SPAG16: variants seen among roughly 807,000 people sequenced by gnomAD.
SPAG16 encodes the protein sperm-associated antigen 16 protein.
Under a neutral mutation model 80.4 loss-of-function variants are expected in SPAG16, and 86 were observed. The ratio of observed to expected loss-of-function variants is 1.07; its 90% CI spans 0.90 to 1.28. The LOEUF (loss-of-function observed/expected upper bound fraction) is 1.28. Ranked by LOEUF, SPAG16 falls within the 50% of genes most tolerant of loss-of-function variation. SPAG16 has a pLI of 0.00. For missense variants in SPAG16, 870 were observed against 765.3 expected (o/e 1.14, Z -1.61); for synonymous variants, 294 against 265.9 (o/e 1.11, Z -1.03).
At chr2:214,405,325 C>T (rs959705587) in intron 15 of SPAG16, among the ~76,000 whole-genome samples, 2 of 152,130 alleles carry the variant, frequency 1.3e-5, no homozygotes, top group Non-Finnish European at 2.9e-5. Context: ...TGGAGTCTCA[C>T]TATGTTGTCC....
intron 15 of SPAG16, among the ~76,000 whole-genome samples, chr2:214,237,398 T>A (rs969871874): frequency 2.0e-5 from 3 of 152,102 alleles, no homozygotes; most frequent in African/African-American, 7.2e-5. Flanking sequence ...ATACATGTAA[T>A]CATTAATGAT....
intron 15 of SPAG16, among the ~76,000 whole-genome samples, chr2:214,322,274 T>C (rs1472994300): frequency 6.6e-6 from 1 of 152,202 alleles, no homozygotes; most frequent in Non-Finnish European, 1.5e-5. Context: ...TTCAATGGTC[T>C]GAATGAGGTG....
chr2:214,405,140 T>C (rs568390839), intron 15 of SPAG16, among the ~76,000 whole-genome samples: 57 of 152,236 alleles, frequency 3.7e-4, no homozygotes, highest in Non-Finnish European at 6.3e-4. Context: ...TGTTATTATT[T>C]TAGAGACAGG....
chr2:213,837,910 T>A (rs529418812), intron 10 of SPAG16, among the ~76,000 whole-genome samples: 1 of 152,166 alleles, frequency 6.6e-6, no homozygotes, highest in South Asian at 2.1e-4. Context: ...GCTTTGAAGA[T>A]GAAGGAAGGG....
At chr2:213,760,580 C>T (rs2068603097) in intron 10 of SPAG16, among the ~76,000 whole-genome samples, 1 of 151,170 alleles carries the variant, frequency 6.6e-6, no homozygotes, top group South Asian at 2.1e-4. Context: ...TAACTCTGTG[C>T]AACAACAGCG....
intron 10 of SPAG16, among the ~76,000 whole-genome samples, chr2:213,694,084 G>A (rs889246306): frequency 5.3e-5 from 8 of 151,602 alleles, no homozygotes; most frequent in East Asian, 1.9e-4. Context: ...AAGAAGAAGC[G>A]AAGAAAAGAC....
chr2:213,966,589 G>T (rs565713525), intron 12 of SPAG16, among the ~76,000 whole-genome samples: 1 of 152,044 alleles, frequency 6.6e-6, no homozygotes, highest in African/African-American at 2.4e-5. Context: ...TCTAAGCAAG[G>T]TGATTAAGGG....
chr2:213,642,182 CT>C (rs1260666746), intron 10 of SPAG16, among the ~76,000 whole-genome samples: 1 of 152,170 alleles, frequency 6.6e-6, no homozygotes, highest in Non-Finnish European at 1.5e-5. Context: ...AATGTTTCAG[CT>C]GTTTCATGGA....
chr2:213,652,006 A>G (rs2063041793), intron 10 of SPAG16, among the ~76,000 whole-genome samples: 1 of 152,092 alleles, frequency 6.6e-6, no homozygotes, highest in Non-Finnish European at 1.5e-5. Context: ...TTGGTCTTTG[A>G]CATTCCAAGG....
At chr2:213,856,998 G>A in intron 10 of SPAG16, among the ~76,000 whole-genome samples, 1 of 152,192 alleles carries the variant, frequency 6.6e-6, no homozygotes, top group Non-Finnish European at 1.5e-5. Context: ...GGGAGGCCAA[G>A]GAGGATGGGT....
In SPAG16 at chr2:213,929,968, A is replaced by T. The variant is rs745766568; in HGVS notation, c.1223A>T (p.Lys408Ile). ...TATGTTTTTGCAAATAGTGGCGACAAATTGGCTACTTCAAGTGGTGACACT... is the reference window on the plus strand; with the variant it reads ...TATGTTTTTGCAAATAGTGGCGACATATTGGCTACTTCAAGTGGTGACACT... Reference protein sequence around the residue: ...SDCCFHPSGDKLATSSGDTTV... With the variant: ...SDCCFHPSGDILATSSGDTTV... The change falls in exon 12 of 16, where the codon AAA becomes ATA. Residue 408 changes from lysine to isoleucine, a missense_variant. By Grantham distance (102) the Lys-to-Ile change is moderately radical. Coordinates refer to ENST00000331683, the MANE Select transcript of SPAG16 (RefSeq NM_024532.5). 3 of 1,601,662 alleles carry T rather than the reference A, an allele frequency of 1.9e-6. No individual in the cohort carries two copies. The highest frequency in any genetic ancestry group is 1.8e-5 in the Admixed American group (1 of 56,694).
In SPAG16 at chr2:213,821,885, AT is replaced by A. The variant is rs201076308; in HGVS notation, c.1071-40593del. ...ATGTTGTTGCAAGTGATGGGATCTC[AT>A]TTTTTTGTAGCTAAATAGTACTCCA... is the stretch of plus-strand genomic sequence containing the variant. On this transcript the variant is annotated intron_variant, in intron 10 of 15. Coordinates refer to ENST00000331683, the MANE Select transcript of SPAG16 (RefSeq NM_024532.5). 5.0e-3 allele frequency among the ~76,000 whole-genome samples: 754 copies of A among 152,176 alleles called. 13 individuals are homozygous for A. The highest frequency in any genetic ancestry group is 0.038 in the East Asian group (197 of 5,178).
At chr2:214,333,546 C>T (rs1460977618) in intron 15 of SPAG16, among the ~76,000 whole-genome samples, 1 of 152,202 alleles carries the variant, frequency 6.6e-6, no homozygotes, top group Non-Finnish European at 1.5e-5. Context: ...GAAAGGACAG[C>T]TGCCACTACC....
chr2:214,214,413 G>C (rs1249307182), intron 15 of SPAG16, among the ~76,000 whole-genome samples: 1 of 151,938 alleles, frequency 6.6e-6, no homozygotes, highest in East Asian at 1.9e-4. Flanking sequence ...CAGGTGATCT[G>C]CCTCCCTTGG....
At chr2:213,728,408 G>A (rs568900610) in intron 10 of SPAG16, among the ~76,000 whole-genome samples, 5 of 152,090 alleles carry the variant, frequency 3.3e-5, no homozygotes, top group Admixed American at 6.6e-5. Context: ...TAACTCACAG[G>A]CAAGAACTCA....
At chr2:213,481,240 A>G (rs915058613) in intron 9 of SPAG16, among the ~76,000 whole-genome samples, 2 of 152,184 alleles carry the variant, frequency 1.3e-5, no homozygotes, top group South Asian at 2.1e-4. Context: ...ACTTCTATCA[A>G]TTTTAGGTTA....
At chr2:213,436,749 A>G (rs1038764259) in intron 9 of SPAG16, among the ~76,000 whole-genome samples, 2 of 152,154 alleles carry the variant, frequency 1.3e-5, no homozygotes. Context: ...TCCAAATACC[A>G]TTTAATTTAT....
chr2:213,556,453 C>T (rs1158699502), intron 10 of SPAG16, among the ~76,000 whole-genome samples: 1 of 151,724 alleles, frequency 6.6e-6, no homozygotes, highest in Non-Finnish European at 1.5e-5. Context: ...GATAGCTAAA[C>T]TTATATCAGA....
At chr2:214,312,437 G>A (rs1192888865) in intron 15 of SPAG16, among the ~76,000 whole-genome samples, 1 of 152,112 alleles carries the variant, frequency 6.6e-6, no homozygotes, top group Non-Finnish European at 1.5e-5. Flanking sequence ...TTTTCATCCT[G>A]GGTAAATTTG....
Sources: allele counts gnomAD v4.1 joint callset (sites outside exome capture counted in the v4.1 genomes callset), GRCh38; gene constraint gnomAD v4.1.1; transcripts MANE v1.5; gene names NCBI Gene and HGNC (gene_info 2026-07-23, HGNC 2026-07-21).